PKHD1L1: variants seen among roughly 807,000 people sequenced by gnomAD.
The protein encoded by PKHD1L1 is PKHD1 like 1.
PKHD1L1 carries 434 observed loss-of-function variants against 462.9 expected under a neutral mutation model. That is an observed-to-expected ratio of 0.94 (90% CI 0.87 to 1.02). PKHD1L1 has a LOEUF of 1.02. Among genes scored for constraint, PKHD1L1 ranks in the 50% least tolerant of loss-of-function variants. The pLI is 0.00. For synonymous variants in PKHD1L1, 1,781 were observed against 1,750.0 expected, an observed-to-expected ratio of 1.02 and a Z score of -0.44; for missense variants, 5,202 against 5,096.1, an observed-to-expected ratio of 1.02 and a Z score of -0.63.
chr8:109,412,471 T>C (rs1290864325), intron 20 of PKHD1L1, 57 bp downstream of exon 20: 1 of 1,470,216 alleles, frequency 6.8e-7, no homozygotes, highest in Non-Finnish European at 9.1e-7. Flanking sequence ...GGTAATAAAA[T>C]TTCATGAAAT....
At chr8:109,478,370 AC>A (rs1285032097) in intron 53 of PKHD1L1, among the ~76,000 whole-genome samples, 3 of 152,196 alleles carry the variant, frequency 2.0e-5, no homozygotes, top group African/African-American at 7.2e-5. Context: ...CAAAGAGATG[AC>A]AAAACAAGCA....
chr8:109,395,508 A>G (rs1480200202), intron 10 of PKHD1L1, among the ~76,000 whole-genome samples: 1 of 152,230 alleles, frequency 6.6e-6, no homozygotes, highest in Non-Finnish European at 1.5e-5. Flanking sequence ...ATACATAGAT[A>G]TTTGATAGAG....
Position 109,498,133 on chromosome 8 carries a change from C to G in PKHD1L1, c.10600-329C>G, listed in dbSNP as rs1279576811. On this transcript the variant is annotated intron_variant, in intron 65 of 77. Transcript: ENST00000378402. ...TTTTTGAGACGGAGTCTCGCTCTGT[C>G]GCCCAGGCCGGACTGCGGACTGCAG... Among the ~76,000 whole-genome samples, 2 of 81,494 alleles carry G rather than the reference C, an allele frequency of 2.5e-5. 1 individual carries two copies. Among genetic ancestry groups the G allele is most frequent in the African/African-American group, 1.2e-4 (2 of 17,368 alleles). 53.5% of individuals were successfully genotyped at this position (81,494 alleles called of 152,430 possible).
chr8:109,497,426 C>T (rs1050726653), intron 65 of PKHD1L1, among the ~76,000 whole-genome samples, 154 bp downstream of exon 65: 3 of 145,392 alleles, frequency 2.1e-5, no homozygotes, highest in African/African-American at 7.6e-5. Context: ...CCTAAAAAAC[C>T]GTTCTTTTTT....
intron 2 of PKHD1L1, among the ~76,000 whole-genome samples, chr8:109,365,899 A>C (rs991634528): frequency 1.3e-5 from 2 of 152,156 alleles, no homozygotes; most frequent in Non-Finnish European, 2.9e-5. Context: ...GCTTGAACCC[A>C]GGAGGCAGAG....
chr8:109,502,680 C>T (rs1671754564), intron 67 of PKHD1L1, among the ~76,000 whole-genome samples: 1 of 152,140 alleles, frequency 6.6e-6, no homozygotes, highest in Non-Finnish European at 1.5e-5. Context: ...TTCTTCAAAG[C>T]ATTAATAAAG....
In PKHD1L1 at chr8:109,483,014, G is replaced by A. The variant is rs766977844; in HGVS notation, c.9485G>A (p.Gly3162Glu). 3.1e-6 allele frequency: 5 copies of A among 1,594,300 alleles called. No homozygotes were observed. In the African/African-American group the frequency reaches 5.4e-5, roughly 17 times the overall value. The part of the protein sequence containing the change: ...LGVFGELDLH[G>E]IPHSIYKTKL... ...GTGTTTGGTGAGCTGGATCTTCATG[G>A]AATTCCACATTCAATATATAAAACT... Residue 3162 changes from glycine (G) to glutamate (E), a missense_variant, in exon 57 of 78, where the codon GGA (glycine) becomes GAA (glutamate). Around this residue, in one of 3 missense-constraint regions of PKHD1L1, gnomAD observed 4,497 missense variants for 4,336.8 expected, o/e 1.04. Coordinates refer to ENST00000378402, the MANE Select transcript of PKHD1L1 (RefSeq NM_177531.6).
chr8:109,510,287 G>T (rs2844258), intron 70 of PKHD1L1, among the ~76,000 whole-genome samples: 36,076 of 151,996 alleles, frequency 0.24, 4,976 homozygotes, highest in African/African-American at 0.34. Context: ...GTCCATGTTT[G>T]CCAGGTACAG....
At chr8:109,457,317 C>T (rs984098069) in intron 46 of PKHD1L1, among the ~76,000 whole-genome samples, 1 of 151,932 alleles carries the variant, frequency 6.6e-6, no homozygotes, top group African/African-American at 2.4e-5. Flanking sequence ...TTTTGTTCTG[C>T]CCTTGGAAGA....
At chr8:109,363,099 C>A (rs1811060206) in intron 1 of PKHD1L1, among the ~76,000 whole-genome samples, 1 of 152,090 alleles carries the variant, frequency 6.6e-6, no homozygotes, top group African/African-American at 2.4e-5. Flanking sequence ...TGGCAGGTGT[C>A]AGTCATTTCC....
intron 33 of PKHD1L1, 94 bp from the exon 34 acceptor site, chr8:109,441,181 C>A: frequency 1.2e-6 from 1 of 832,600 alleles, no homozygotes; most frequent in Non-Finnish European, 1.8e-6. Flanking sequence ...AGGGTCTTGG[C>A]TGTTGATGAA....
intron 23 of PKHD1L1, among the ~76,000 whole-genome samples, chr8:109,422,000 G>A (rs543768001): frequency 6.6e-6 from 1 of 152,194 alleles, no homozygotes; most frequent in Admixed American, 6.5e-5. Flanking sequence ...TAAATAATAT[G>A]CACATATGTT....
chr8:109,433,459 C>CT (rs1291394460), intron 28 of PKHD1L1, among the ~76,000 whole-genome samples: 1 of 152,022 alleles, frequency 6.6e-6, no homozygotes, highest in Non-Finnish European at 1.5e-5. Context: ...TAATTTTATC[C>CT]TTTTTCCCCC....
At chr8:109,490,438 G>T (rs192037235) in intron 60 of PKHD1L1, among the ~76,000 whole-genome samples, 43 of 151,808 alleles carry the variant, frequency 2.8e-4, no homozygotes, top group African/African-American at 1.0e-3. Context: ...CATCAAAAGT[G>T]GGAAAATAAA....
At chr8:109,501,552 G>T (rs762317400) in intron 67 of PKHD1L1, among the ~76,000 whole-genome samples, 45 of 152,324 alleles carry the variant, frequency 3.0e-4, no homozygotes, top group Non-Finnish European at 5.4e-4. Flanking sequence ...ATTTCCTGAG[G>T]AATGGTAGTA....
chr8:109,394,764 T>C (rs532961763), intron 10 of PKHD1L1, among the ~76,000 whole-genome samples: 1 of 152,314 alleles, frequency 6.6e-6, no homozygotes, highest in African/African-American at 2.4e-5. Context: ...ACTTTGGCTA[T>C]TGGTAGAGGG....
At chr8:109,530,003 A>G in intron 77 of PKHD1L1, 77 bp from the exon 78 acceptor site, 2 of 914,890 alleles carry the variant, frequency 2.2e-6, no homozygotes, top group Non-Finnish European at 3.0e-6. Flanking sequence ...AAAAGTTAAA[A>G]TTAATGAAAT....
At position 109,409,998 on chromosome 8, in the gene PKHD1L1, C is replaced by A; in HGVS notation, c.2085+20C>A. ...AATCTGGTATGAAATATTTAATGAA[C>A]TGTGAAACTGACCTAATAAGAATTT... On this transcript the variant is annotated intron_variant, in intron 19 of 77. Transcript: ENST00000378402. 1 of 1,261,852 alleles carries A rather than the reference C, an allele frequency of 7.9e-7. No homozygotes were observed. Among genetic ancestry groups the A allele is most frequent in the Non-Finnish European group, 1.1e-6 (1 of 898,244 alleles). The allele number at this position is 1,261,852 out of a possible 1,614,324, so 78.2% of individuals were successfully genotyped here.
intron 50 of PKHD1L1, chr8:109,470,183 A>T (rs1351982399): frequency 1.3e-6 from 1 of 770,336 alleles, no homozygotes; most frequent in Non-Finnish European, 2.1e-6. Flanking sequence ...TGGGAAAAGT[A>T]TCTGGAGGAT....
Sources: allele counts gnomAD v4.1 joint callset (sites outside exome capture counted in the v4.1 genomes callset), GRCh38; gene constraint gnomAD v4.1.1; regional missense constraint gnomAD v4.1.1; transcripts MANE v1.5; gene names NCBI Gene and HGNC (gene_info 2026-07-23, HGNC 2026-07-21).